The following DERL1 variants were observed in gnomAD, a reference collection of about 807,000 sequenced individuals.
DERL1 encodes the protein derlin-1.
DERL1 carries 24 observed loss-of-function variants against 41.6 expected under a neutral mutation model. The observed-to-expected ratio is 0.58, with a 90% CI of 0.42 to 0.81. The LOEUF is 0.81. Among genes scored for constraint, DERL1 ranks in the 30% least tolerant of loss-of-function variants. The probability of loss-of-function intolerance (pLI) is 0.00; values close to 1 mark genes in which losing one functional copy is unlikely to be tolerated. For missense variants in DERL1, 260 were observed against 314.3 expected (o/e 0.83, Z 1.31); for synonymous variants, 124 against 112.5 (o/e 1.10, Z -0.65).
At chr8:123,031,275 T>C (rs906686984) in intron 1 of DERL1, among the ~76,000 whole-genome samples, 3 of 152,228 alleles carry the variant, frequency 2.0e-5, no homozygotes, top group African/African-American at 7.2e-5. Context: ...CCAGGTTCGG[T>C]GGCTCATGCC....
chr8:123,022,232 G>T (rs1469303831), intron 5 of DERL1, among the ~76,000 whole-genome samples: 1 of 152,184 alleles, frequency 6.6e-6, no homozygotes, highest in African/African-American at 2.4e-5. Flanking sequence ...ATTAAGAATG[G>T]GTAGGATTTA....
chr8:123,034,651 C>T (rs1345086916), intron 1 of DERL1, among the ~76,000 whole-genome samples: 1 of 152,128 alleles, frequency 6.6e-6, no homozygotes, highest in Non-Finnish European at 1.5e-5. Context: ...TTTTACAATC[C>T]CTCTCACAAA....
chr8:123,033,330 T>C lies in DERL1; in HGVS notation c.154-2614A>G, dbSNP rs1212301079. Among the ~76,000 whole-genome samples, 6 of 152,352 alleles carry C rather than the reference T, an allele frequency of 3.9e-5. 1 individual carries two copies. The highest frequency in any genetic ancestry group is 4.8e-5 in the African/African-American group (2 of 41,584). On this transcript the variant is annotated intron_variant, in intron 1 of 7. Transcript: ENST00000259512. Reference sequence around the variant, plus strand: ...ATTCTTTTATTATATCCATGTGATATTGATATAATTCCCAGCCAAGAAGTT... The same window carrying C: ...ATTCTTTTATTATATCCATGTGATACTGATATAATTCCCAGCCAAGAAGTT...
chr8:123,032,916 C>T (rs186283544), intron 1 of DERL1, among the ~76,000 whole-genome samples: 23 of 146,360 alleles, frequency 1.6e-4, no homozygotes, highest in African/African-American at 5.3e-4. Context: ...CAGGCTGGAG[C>T]GCAGTGTTTT....
chr8:123,039,507 T>C (rs780798228), intron 1 of DERL1, among the ~76,000 whole-genome samples: 3 of 152,228 alleles, frequency 2.0e-5, no homozygotes, highest in Non-Finnish European at 2.9e-5. Flanking sequence ...GTCTTCTTCC[T>C]GTTCCCAGCT....
At chr8:123,039,946 A>C (rs2385075) in intron 1 of DERL1, among the ~76,000 whole-genome samples, 11,565 of 152,306 alleles carry the variant, frequency 0.076, 575 homozygotes, top group Admixed American at 0.12. Flanking sequence ...GGCCAGGCTC[A>C]GTGGCTCACG....
chr8:123,023,277 G>A (rs1812605417), intron 4 of DERL1, among the ~76,000 whole-genome samples: 1 of 152,156 alleles, frequency 6.6e-6, no homozygotes, highest in Non-Finnish European at 1.5e-5. Context: ...ACAGCTATAG[G>A]CCAGGCACGG....
At chr8:123,034,986 G>A (rs1250094459) in intron 1 of DERL1, among the ~76,000 whole-genome samples, 1 of 152,222 alleles carries the variant, frequency 6.6e-6, no homozygotes, top group Non-Finnish European at 1.5e-5. Context: ...ATGTGTGGGT[G>A]TGTTAATTGT....
chr8:123,016,895 A>C (rs181555451), intron 7 of DERL1: 2 of 152,214 alleles, frequency 1.3e-5, no homozygotes, highest in Admixed American at 6.5e-5. Flanking sequence ...GCTGGAGTGC[A>C]GTAGCATGAT....
rs189755208 is a variant in DERL1 at position 123,039,860 on chromosome 8, T to C, written c.153+2110A>G. Among the ~76,000 whole-genome samples, 1,344 of 152,324 alleles carry C rather than the reference T, an allele frequency of 8.8e-3. 13 individuals carry two copies. The highest frequency in any genetic ancestry group is 0.011 in the Non-Finnish European group (735 of 68,026). ...CAAGGACAGTGGTGAACGGCTCTCA[T>C]GGAGCCTTATTCTCTGAGGGGAAGC... On this transcript the variant is annotated intron_variant, in intron 1 of 7. Transcript: ENST00000259512.
intron 7 of DERL1, 83 bp from the exon 8 acceptor site, chr8:123,015,668 C>T (rs1381916810): frequency 1.4e-6 from 2 of 1,476,650 alleles, no homozygotes; most frequent in African/African-American, 2.8e-5. Flanking sequence ...GAGAACACCT[C>T]CCTCTCCTGC....
chr8:123,024,121 G>A (rs752042160), intron 3 of DERL1, among the ~76,000 whole-genome samples: 10 of 152,158 alleles, frequency 6.6e-5, no homozygotes, highest in Non-Finnish European at 1.2e-4. Flanking sequence ...GGACATAGTA[G>A]AAATCAACAG....
intron 2 of DERL1, among the ~76,000 whole-genome samples, chr8:123,029,729 C>T (rs1166248478): frequency 6.6e-6 from 1 of 152,136 alleles, no homozygotes; most frequent in Non-Finnish European, 1.5e-5. Flanking sequence ...TTCAGTAAGA[C>T]ACTTTTACGA....
At chr8:123,017,682 C>G (rs1259629959) in intron 7 of DERL1, 3 of 152,144 alleles carry the variant, frequency 2.0e-5, no homozygotes, top group Non-Finnish European at 4.4e-5. Context: ...GATTTTGCCA[C>G]TAGAATCTTG....
intron 1 of DERL1, among the ~76,000 whole-genome samples, chr8:123,040,234 A>G (rs1374230264): frequency 6.6e-6 from 1 of 152,224 alleles, no homozygotes; most frequent in Non-Finnish European, 1.5e-5. Flanking sequence ...AAAGAAAGAA[A>G]GAAAGAAAAA....
intron 1 of DERL1, among the ~76,000 whole-genome samples, chr8:123,038,654 T>G (rs1341974561): frequency 6.6e-6 from 1 of 152,194 alleles, no homozygotes; most frequent in Non-Finnish European, 1.5e-5. Flanking sequence ...CTAGTGTCAC[T>G]ACACAAGTGA....
rs755011295 is a variant in DERL1 at position 123,015,405 on chromosome 8, G to T, written c.*42C>A. 1.9e-6 allele frequency: 3 copies of T among 1,602,966 alleles called. No homozygotes were observed. Among genetic ancestry groups the T allele is most frequent in the East Asian group, 4.5e-5 (2 of 44,672 alleles). On this transcript the variant is annotated 3_prime_UTR_variant, in exon 8 of 8. Coordinates refer to ENST00000259512, the MANE Select transcript of DERL1 (RefSeq NM_024295.6). ...TTGTTAAGTGCACCCAGCACTGGGAGGAAATGTGGCTTGAGAGGAGCGGCT... is the reference window on the plus strand; with the variant it reads ...TTGTTAAGTGCACCCAGCACTGGGATGAAATGTGGCTTGAGAGGAGCGGCT...
intron 1 of DERL1, among the ~76,000 whole-genome samples, chr8:123,037,924 A>C (rs1473300134): frequency 6.6e-6 from 1 of 152,196 alleles, no homozygotes; most frequent in Non-Finnish European, 1.5e-5. Flanking sequence ...AGGAATTGCC[A>C]CCTCTTGTGT....
chr8:123,032,344 A>T (rs1172033989), intron 1 of DERL1, among the ~76,000 whole-genome samples: 2 of 152,158 alleles, frequency 1.3e-5, no homozygotes, highest in African/African-American at 4.8e-5. Context: ...GATGTTGCCC[A>T]GGCTGGTCTC....
Sources: allele counts gnomAD v4.1 joint callset (sites outside exome capture counted in the v4.1 genomes callset), GRCh38; gene constraint gnomAD v4.1.1; transcripts MANE v1.5; gene names NCBI Gene and HGNC (gene_info 2026-07-23, HGNC 2026-07-21).